The following TUBGCP4 variants were observed in gnomAD, a reference collection of about 807,000 sequenced individuals.
TUBGCP4 encodes the protein gamma-tubulin complex component 4.
TUBGCP4 carries 54 observed loss-of-function variants against 91.6 expected under a neutral mutation model. The observed-to-expected ratio is 0.59, with a 90% CI of 0.47 to 0.74. The LOEUF is 0.74. Among genes scored for constraint, TUBGCP4 ranks in the 30% least tolerant of loss-of-function variants. TUBGCP4 has a pLI of 0.00. For synonymous variants in TUBGCP4, 297 were observed against 302.8 expected (o/e 0.98, Z 0.20); for missense variants, 593 against 800.9 (o/e 0.74, Z 3.13).
At chr15:43,400,512 C>T (rs2044657115) in intron 14 of TUBGCP4, among the ~76,000 whole-genome samples, 1 of 152,184 alleles carries the variant, frequency 6.6e-6, no homozygotes, top group Admixed American at 6.5e-5. Flanking sequence ...ATCCCCCTGC[C>T]TCAGCCTCTC....
intron 7 of TUBGCP4, among the ~76,000 whole-genome samples, chr15:43,383,839 C>T (rs796076280): frequency 2.0e-5 from 3 of 151,856 alleles, no homozygotes; most frequent in South Asian, 2.1e-4. Context: ...TCTCACCCAT[C>T]GCCCAGGCTG....
intron 17 of TUBGCP4, 39 bp from the exon 18 acceptor site, chr15:43,405,163 A>C: frequency 1.2e-6 from 2 of 1,613,238 alleles, no homozygotes; most frequent in Non-Finnish European, 1.7e-6. Flanking sequence ...AGTCTTGGGA[A>C]AGCATGACAC....
chr15:43,401,912 T>G, intron 15 of TUBGCP4, 62 bp downstream of exon 15: 1 of 1,571,712 alleles, frequency 6.4e-7, no homozygotes, highest in Non-Finnish European at 8.6e-7. Context: ...CTTAGGCAGT[T>G]TGAGTTGACA....
At position 43,407,237 on chromosome 15, in the gene TUBGCP4, C is replaced by CATTT. The variant is rs1408210612; in HGVS notation, c.*2028_*2031dup. ...AGTTACTACAACCAAAGAGATTCAA[C>CATTT]ATTTATTTTATCATAAAAGTTCAGC... is the stretch of plus-strand genomic sequence containing the variant. On this transcript the variant is annotated 3_prime_UTR_variant, in exon 18 of 18. Transcript: ENST00000564079. 15 of 689,030 alleles carry CATTT rather than the reference C, an allele frequency of 2.2e-5. No individual in the cohort carries two copies. The African/African-American group carries it at 2.5e-4, about 12-fold the overall frequency. 42.7% of individuals were successfully genotyped at this position (689,030 alleles called of 1,614,324 possible). A position where few individuals can be genotyped will look rare whatever the true frequency, so the allele number is the denominator to read the frequency against.
At chr15:43,395,081 C>G (rs901450696) in intron 9 of TUBGCP4, 26 bp from the exon 10 acceptor site, 2 of 1,613,484 alleles carry the variant, frequency 1.2e-6, no homozygotes, top group Non-Finnish European at 1.7e-6. Flanking sequence ...TGAAATTTGT[C>G]CCTGTTTTGT....
intron 11 of TUBGCP4, among the ~76,000 whole-genome samples, chr15:43,396,939 A>G (rs1021851162): frequency 2.0e-5 from 3 of 152,234 alleles, no homozygotes; most frequent in African/African-American, 7.2e-5. Context: ...GATCATGCCT[A>G]CATCACCCAG....
chr15:43,400,565 TTTG>T (rs1253715071), intron 14 of TUBGCP4, among the ~76,000 whole-genome samples: 1 of 151,978 alleles, frequency 6.6e-6, no homozygotes, highest in African/African-American at 2.4e-5. Context: ...ACCCAGCTGG[TTTG>T]TTTTTATTTT....
At chr15:43,387,913 G>T (rs981586160) in intron 9 of TUBGCP4, among the ~76,000 whole-genome samples, 1 of 152,038 alleles carries the variant, frequency 6.6e-6, no homozygotes, top group African/African-American at 2.4e-5. Context: ...CAGTGGAGCA[G>T]TCGCGGCTCA....
intron 15 of TUBGCP4, chr15:43,402,939 T>C (rs2044719346): frequency 6.6e-6 from 1 of 152,250 alleles, no homozygotes; most frequent in Non-Finnish European, 1.5e-5. Flanking sequence ...GAGTAAGATA[T>C]ATATTAATAG....
In TUBGCP4 at chr15:43,405,380, T is replaced by TGGA; in HGVS notation, c.*166_*167insGGA. On this transcript the variant is annotated 3_prime_UTR_variant, in exon 18 of 18. Transcript: ENST00000564079. ...ACTGAACATCCAGGAGTACAACTCC[T>TGGA]TCCCATCATTCCCATGTGGAAGGGT... is the stretch of plus-strand genomic sequence containing the variant. 2.9e-6 allele frequency: 2 copies of TGGA among 682,588 alleles called. No individual in the cohort carries two copies. The highest frequency in any genetic ancestry group is 5.1e-6 in the Non-Finnish European group (2 of 395,126). 42.3% of individuals were successfully genotyped at this position (682,588 alleles called of 1,614,324 possible).
chr15:43,378,010 A>G, intron 5 of TUBGCP4, 107 bp downstream of exon 5: 4 of 817,884 alleles, frequency 4.9e-6, no homozygotes, highest in Non-Finnish European at 5.7e-6. Context: ...AGTAGTTTTT[A>G]TTTATTCATT....
Position 43,371,248 on chromosome 15 carries a change from C to T in TUBGCP4, c.-107C>T, listed in dbSNP as rs1420444749. 3 of 1,194,916 alleles carry T rather than the reference C, an allele frequency of 2.5e-6. No individual in the cohort carries two copies. The highest frequency in any genetic ancestry group is 2.5e-5 in the East Asian group (1 of 40,060). The allele number at this position is 1,194,916 out of a possible 1,614,324, so 74.0% of individuals were successfully genotyped here. A position where few individuals can be genotyped will look rare whatever the true frequency, so the allele number is the denominator to read the frequency against. Reference sequence around the variant, plus strand: ...GTTGATTCGGCACAAACCGCCCGACCCAGGGGCCGGTGCGCGTGTGGAAGG... The same window carrying T: ...GTTGATTCGGCACAAACCGCCCGACTCAGGGGCCGGTGCGCGTGTGGAAGG... On this transcript the variant is annotated 5_prime_UTR_variant, in exon 1 of 18. Transcript: ENST00000564079.
At chr15:43,397,394 C>T in intron 12 of TUBGCP4, 73 bp downstream of exon 12, 1 of 1,084,232 alleles carries the variant, frequency 9.2e-7, no homozygotes, top group Non-Finnish European at 1.4e-6. Context: ...GCTTCCATCC[C>T]CCGCCACAGA....
chr15:43,371,961 G>T (rs947567270), intron 1 of TUBGCP4, among the ~76,000 whole-genome samples: 10 of 152,112 alleles, frequency 6.6e-5, no homozygotes, highest in African/African-American at 2.4e-4. Flanking sequence ...ATGATGTTCC[G>T]TATGCATTAT....
At chr15:43,376,884 TA>T in intron 3 of TUBGCP4, 129 bp from the exon 4 acceptor site, 2 of 928,166 alleles carry the variant, frequency 2.2e-6, no homozygotes, top group Non-Finnish European at 3.3e-6. Flanking sequence ...ATAACCTGAT[TA>T]AATTATCAGT....
At chr15:43,395,185 C>T (rs181318669) in intron 10 of TUBGCP4, 28 bp downstream of exon 10, 18 of 1,612,856 alleles carry the variant, frequency 1.1e-5, no homozygotes, top group Admixed American at 8.3e-5. Context: ...GTAATTCTTA[C>T]GGTGATGCTG....
chr15:43,374,783 G>A (rs1430843478), intron 1 of TUBGCP4, among the ~76,000 whole-genome samples: 1 of 152,178 alleles, frequency 6.6e-6, no homozygotes, highest in African/African-American at 2.4e-5. Context: ...GGGACGAATA[G>A]GTAATTGAGA....
Position 43,407,105 on chromosome 15 carries a change from C to A in TUBGCP4, c.*1891C>A. ...ACTCTTAACTTTTCAATTTCCTTGG[C>A]CAGCTGTCCTCCGTAAGTGAATAAG... On this transcript the variant is annotated 3_prime_UTR_variant, in exon 18 of 18. Coordinates refer to ENST00000564079, the MANE Select transcript of TUBGCP4 (RefSeq NM_014444.5). 1 of 331,986 alleles carries A rather than the reference C, an allele frequency of 3.0e-6. No homozygotes were observed. The highest frequency in any genetic ancestry group is 5.6e-6 in the Non-Finnish European group (1 of 179,294). The allele number at this position is 331,986 out of a possible 1,614,324, so 20.6% of individuals were successfully genotyped here. A position where few individuals can be genotyped will look rare whatever the true frequency, so the allele number is the denominator to read the frequency against.
intron 14 of TUBGCP4, among the ~76,000 whole-genome samples, chr15:43,400,782 G>T (rs1390429876): frequency 6.6e-6 from 1 of 152,122 alleles, no homozygotes; most frequent in Non-Finnish European, 1.5e-5. Flanking sequence ...GCCAAGCGTG[G>T]TGGCGCCTGT....
Sources: gnomAD v4.1 joint callset for allele counts (sites outside exome capture counted in the v4.1 genomes callset) on GRCh38, gnomAD v4.1.1 for gene constraint, MANE v1.5 for transcripts, NCBI Gene and HGNC (gene_info 2026-07-23, HGNC 2026-07-21) for gene names.